HPSE2: variants seen among roughly 807,000 people sequenced by gnomAD.
HPSE2 encodes inactive heparanase-2.
In HPSE2, 38 loss-of-function variants were observed where a neutral mutation model predicts 60.5. The ratio of observed to expected loss-of-function variants is 0.63; its 90% CI spans 0.48 to 0.82. The LOEUF (loss-of-function observed/expected upper bound fraction) is 0.82, where lower values mean the gene tolerates loss of function less well. HPSE2 is among the 40% of genes least tolerant of loss of function. The pLI is 0.00. For synonymous variants in HPSE2, 295 were observed against 293.2 expected (o/e 1.01, Z -0.06); for missense variants, 713 against 740.4 (o/e 0.96, Z 0.43).
At position 99,001,250 on chromosome 10, in the gene HPSE2, T is replaced by C. The variant is rs191380450; in HGVS notation, c.610+142988A>G. Among the ~76,000 whole-genome samples the C allele has an allele frequency of 2.6e-5, 4 of 152,210 alleles. No individual in the cohort carries two copies. In the East Asian group the frequency reaches 5.8e-4, roughly 22 times the overall value. Reference sequence around the variant, plus strand: ...TAAACCACTATGAAGCCTTATGATTTATTTTCTCTCACTATAGGTCACAGC... The same window carrying C: ...TAAACCACTATGAAGCCTTATGATTCATTTTCTCTCACTATAGGTCACAGC... On this transcript the variant is annotated intron_variant, in intron 3 of 11. Transcript: ENST00000370552.
At position 99,126,300 on chromosome 10, in the gene HPSE2, C is replaced by T. The variant is rs897030834; in HGVS notation, c.610+17938G>A. ...AACCAATCCCCCACAGTGGCCGCAGCAAGCCTTGCCCAAGTCTGAGCCCAG... is the reference window on the plus strand; with the variant it reads ...AACCAATCCCCCACAGTGGCCGCAGTAAGCCTTGCCCAAGTCTGAGCCCAG... On this transcript the variant is annotated intron_variant, in intron 3 of 11. Coordinates refer to ENST00000370552, the MANE Select transcript of HPSE2 (RefSeq NM_021828.5). This position sits in a 1 kb window ranked among gnomAD's most constrained non-coding sequence, Gnocchi z 4.0. 6.6e-6 allele frequency among the ~76,000 whole-genome samples: 1 copy of T among 152,160 alleles called. No individual in the cohort carries two copies. The highest frequency in any genetic ancestry group is 2.4e-5 in the African/African-American group (1 of 41,418).
At chr10:98,885,937 A>C (rs1331283616) in intron 3 of HPSE2, among the ~76,000 whole-genome samples, 1 of 152,084 alleles carries the variant, frequency 6.6e-6, no homozygotes, top group African/African-American at 2.4e-5. Flanking sequence ...TAAAATCTGA[A>C]AGGTGTTGAA....
Position 99,150,001 on chromosome 10 carries a change from T to C in HPSE2, c.449-5602A>G, listed in dbSNP as rs372423214. 5.1e-4 allele frequency among the ~76,000 whole-genome samples: 77 copies of C among 152,098 alleles called. 1 individual carries two copies. In the South Asian group the frequency reaches 0.016, roughly 32 times the overall value. ...ATGTAATCAAAGTAGAGTTCCAAAC[T>C]TGGGTCCAAATATGAAGCTATCCAT... On this transcript the variant is annotated intron_variant, in intron 2 of 11. Transcript: ENST00000370552.
At chr10:98,653,450 G>T (rs1291834915) in intron 6 of HPSE2, among the ~76,000 whole-genome samples, 3 of 147,376 alleles carry the variant, frequency 2.0e-5, no homozygotes, top group South Asian at 2.2e-4. Flanking sequence ...TGTTTTCTCT[G>T]GTTTTAATTG....
At chr10:99,189,673 A>G (rs1472601299) in intron 2 of HPSE2, among the ~76,000 whole-genome samples, 4 of 152,186 alleles carry the variant, frequency 2.6e-5, no homozygotes, top group African/African-American at 4.8e-5. Flanking sequence ...CAGATAACCA[A>G]TGCCATACCA....
At chr10:99,264,082 T>A in the HPSE2 span, among the ~76,000 whole-genome samples, 9 of 151,774 alleles carry the variant, frequency 5.9e-5, no homozygotes, top group African/African-American at 2.2e-4. Flanking sequence ...TCTTTTCTTT[T>A]CTTTTTCTTT....
intron 3 of HPSE2, among the ~76,000 whole-genome samples, chr10:98,771,790 G>A (rs984788096): frequency 6.6e-6 from 1 of 152,148 alleles, no homozygotes; most frequent in African/African-American, 2.4e-5. Flanking sequence ...CTGCTAGGGT[G>A]ACTTTTAGAG....
intron 9 of HPSE2, among the ~76,000 whole-genome samples, chr10:98,523,977 A>G (rs566409341): frequency 1.3e-5 from 2 of 152,310 alleles, no homozygotes; most frequent in African/African-American, 4.8e-5. Flanking sequence ...TAATATCATA[A>G]AAGATTTCTT....
chr10:98,663,950 G>A (rs1947291598), intron 6 of HPSE2, among the ~76,000 whole-genome samples: 1 of 152,126 alleles, frequency 6.6e-6, no homozygotes, highest in Non-Finnish European at 1.5e-5. Context: ...AACACTGTGG[G>A]TAGGCTCAGC....
intron 2 of HPSE2, among the ~76,000 whole-genome samples, chr10:99,169,017 C>A (rs934175183): frequency 1.3e-5 from 2 of 148,942 alleles, no homozygotes; most frequent in African/African-American, 2.5e-5. Context: ...TGGTGAAACC[C>A]CATCTCAACT....
chr10:98,741,600 T>C (rs7086318), intron 4 of HPSE2, among the ~76,000 whole-genome samples: 149,257 of 152,106 alleles, frequency 0.98, 73,290 homozygotes, highest in East Asian at 1. Context: ...AGCTCCCACA[T>C]TCAGAGATGC....
At chr10:98,832,608 G>C (rs1951707228) in intron 3 of HPSE2, among the ~76,000 whole-genome samples, 1 of 152,166 alleles carries the variant, frequency 6.6e-6, no homozygotes, top group Admixed American at 6.5e-5. Flanking sequence ...CACCAGATTA[G>C]AGACAACTTG....
At chr10:98,626,101 G>A (rs1314085317) in intron 7 of HPSE2, among the ~76,000 whole-genome samples, 27 of 136,384 alleles carry the variant, frequency 2.0e-4, no homozygotes, top group African/African-American at 5.7e-4. Flanking sequence ...GCGAGACTCC[G>A]TCTCAAAAAA....
intron 2 of HPSE2, among the ~76,000 whole-genome samples, chr10:99,208,888 A>G (rs1376574031): frequency 6.6e-6 from 1 of 152,208 alleles, no homozygotes; most frequent in African/African-American, 2.4e-5. Flanking sequence ...CTTTAAGTCA[A>G]AAGCTGTTAA....
intron 3 of HPSE2, among the ~76,000 whole-genome samples, chr10:98,900,973 T>C (rs1178676888): frequency 6.6e-6 from 1 of 152,154 alleles, no homozygotes. Context: ...AACAGGTATA[T>C]GAATAAAGAA....
At chr10:98,467,608 G>C (rs879831242) in intron 11 of HPSE2, among the ~76,000 whole-genome samples, 15 of 152,082 alleles carry the variant, frequency 9.9e-5, no homozygotes, top group Non-Finnish European at 2.9e-5. Context: ...GCTTTCCTAG[G>C]GGCCACTAGA....
At chr10:99,198,305 T>C (rs1389220813) in intron 2 of HPSE2, among the ~76,000 whole-genome samples, 1 of 152,216 alleles carries the variant, frequency 6.6e-6, no homozygotes, top group Non-Finnish European at 1.5e-5. Context: ...AAACAAACTA[T>C]ATTAAATATT....
chr10:99,255,868 A>G, the HPSE2 span, among the ~76,000 whole-genome samples: 2 of 152,186 alleles, frequency 1.3e-5, no homozygotes, highest in Non-Finnish European at 2.9e-5. Flanking sequence ...GAACTGCCTG[A>G]GACTGGGTAA....
intron 11 of HPSE2, among the ~76,000 whole-genome samples, chr10:98,477,132 A>AAG (rs1388359814): frequency 3.3e-5 from 5 of 152,230 alleles, no homozygotes; most frequent in Admixed American, 3.3e-4. Flanking sequence ...AAGTCACTTA[A>AAG]TACTTTAAGA....
Sources: gnomAD v4.1 joint callset for allele counts (sites outside exome capture counted in the v4.1 genomes callset) on GRCh38, gnomAD v4.1.1 for gene constraint, Gnocchi (gnomAD v3.1) non-coding constraint, MANE v1.5 for transcripts, NCBI Gene and HGNC (gene_info 2026-07-23, HGNC 2026-07-21) for gene names.